Variants in DLGAP1 observed in about 807,000 individuals in gnomAD.
DLGAP1 encodes disks large-associated protein 1.
Under a neutral mutation model 90.8 loss-of-function variants are expected in DLGAP1, and 11 were observed. The observed-to-expected ratio is 0.12, with a 90% CI of 0.08 to 0.20. The LOEUF (loss-of-function observed/expected upper bound fraction) is 0.20, where lower values mean the gene tolerates loss of function less well. Ranked by LOEUF, DLGAP1 falls within the 10% of genes least tolerant of loss-of-function variation. DLGAP1 has a pLI of 1.00. For missense variants in DLGAP1, 1,050 were observed against 1,333.8 expected (o/e 0.79, Z 3.31); for synonymous variants, 558 against 540.7 (o/e 1.03, Z -0.44).
intron 1 of DLGAP1, among the ~76,000 whole-genome samples, chr18:4,266,982 G>A (rs2079145368): frequency 6.6e-6 from 1 of 152,116 alleles, no homozygotes; most frequent in African/African-American, 2.4e-5. Flanking sequence ...GTTTACTAAT[G>A]TGCTCACCCA....
chr18:4,010,643 T>C (rs2074399681), intron 2 of DLGAP1, among the ~76,000 whole-genome samples: 1 of 152,216 alleles, frequency 6.6e-6, no homozygotes, highest in Non-Finnish European at 1.5e-5. Flanking sequence ...GTGGAATGTA[T>C]ATATTTTTTG....
intron 3 of DLGAP1, among the ~76,000 whole-genome samples, chr18:3,975,938 A>G (rs149307818): frequency 2.7e-4 from 41 of 152,220 alleles, no homozygotes; most frequent in Non-Finnish European, 4.7e-4. Context: ...ATGGGAAGTC[A>G]GTGTTTAAGG....
chr18:3,813,391 G>A (rs578066614), intron 5 of DLGAP1, among the ~76,000 whole-genome samples: 5 of 152,270 alleles, frequency 3.3e-5, no homozygotes, highest in African/African-American at 1.2e-4. Flanking sequence ...GACCATCTAA[G>A]TTTTTGTAAG....
chr18:3,603,247 C>G (rs2057163246), intron 7 of DLGAP1: 1 of 151,862 alleles, frequency 6.6e-6, no homozygotes, highest in South Asian at 2.1e-4. Context: ...AAAACGGTTG[C>G]CTTATCATCT....
At chr18:3,720,895 A>AAAAAAAAAAAAAAG (rs2061953692) in intron 7 of DLGAP1, among the ~76,000 whole-genome samples, 1 of 140,408 alleles carries the variant, frequency 7.1e-6, no homozygotes, top group Non-Finnish European at 1.5e-5. Flanking sequence ...CTACAAAAAA[A>AAAAAAAAAAAAAAG]AAAAAAAAAA....
chr18:4,169,065 C>G (rs1004114503), intron 1 of DLGAP1, among the ~76,000 whole-genome samples: 18 of 152,106 alleles, frequency 1.2e-4, no homozygotes, highest in African/African-American at 4.3e-4. Context: ...GAGTATGTTT[C>G]TAGAGTGCAA....
chr18:3,993,473 T>A (rs1444937924), intron 3 of DLGAP1, among the ~76,000 whole-genome samples: 1 of 152,088 alleles, frequency 6.6e-6, no homozygotes, highest in Non-Finnish European at 1.5e-5. Context: ...CATTGAGATT[T>A]CCTTGTCTTT....
chr18:3,956,401 G>A (rs967838762), intron 3 of DLGAP1, among the ~76,000 whole-genome samples: 1 of 149,428 alleles, frequency 6.7e-6, no homozygotes, highest in Non-Finnish European at 1.5e-5. Flanking sequence ...CCAGGCTGGA[G>A]TGCAGTGGCG....
intron 7 of DLGAP1, among the ~76,000 whole-genome samples, chr18:3,588,516 T>G (rs1236996982): frequency 6.6e-6 from 1 of 151,312 alleles, no homozygotes; most frequent in African/African-American, 2.4e-5. Flanking sequence ...GTGCGGTGGC[T>G]CGCTCCTGTA....
intron 1 of DLGAP1, among the ~76,000 whole-genome samples, chr18:4,346,049 T>C (rs1252375620): frequency 6.6e-6 from 1 of 152,156 alleles, no homozygotes; most frequent in Admixed American, 6.6e-5. Context: ...CCACTCACGA[T>C]GTGCTGAAAT....
intron 1 of DLGAP1, among the ~76,000 whole-genome samples, chr18:4,277,510 G>A (rs1161802866): frequency 6.6e-6 from 1 of 152,158 alleles, no homozygotes; most frequent in Non-Finnish European, 1.5e-5. Context: ...TATGTCATAG[G>A]TTCCGTGAAG....
At chr18:4,094,824 C>T (rs148796474) in intron 2 of DLGAP1, among the ~76,000 whole-genome samples, 8 of 152,244 alleles carry the variant, frequency 5.3e-5, no homozygotes, top group African/African-American at 1.9e-4. Context: ...TCTTGAACTC[C>T]TGACCTCAGG....
At chr18:3,866,581 C>T (rs1158056380) in intron 4 of DLGAP1, among the ~76,000 whole-genome samples, 1 of 152,204 alleles carries the variant, frequency 6.6e-6, no homozygotes, top group East Asian at 1.9e-4. Context: ...TATTTGAACA[C>T]AGACTTTGGT....
At chr18:4,094,985 G>T (rs368548059) in intron 2 of DLGAP1, among the ~76,000 whole-genome samples, 1 of 151,920 alleles carries the variant, frequency 6.6e-6, no homozygotes, top group South Asian at 2.1e-4. Flanking sequence ...ATAAAACAAG[G>T]GTGCACTCCT....
At chr18:4,102,724 T>C (rs1011539583) in intron 2 of DLGAP1, among the ~76,000 whole-genome samples, 2 of 152,226 alleles carry the variant, frequency 1.3e-5, no homozygotes, top group Non-Finnish European at 2.9e-5. Flanking sequence ...CTGTTACTTA[T>C]AGCTGAAATG....
At chr18:3,669,687 C>G (rs534459529) in intron 7 of DLGAP1, among the ~76,000 whole-genome samples, 4 of 152,328 alleles carry the variant, frequency 2.6e-5, no homozygotes, top group African/African-American at 9.6e-5. Flanking sequence ...GGCCATCTTC[C>G]TTCTGGCTTC....
chr18:3,874,338 T>C, intron 4 of DLGAP1: 1 of 1,516,904 alleles, frequency 6.6e-7, no homozygotes, highest in Non-Finnish European at 8.8e-7. Flanking sequence ...GGAGAGAGCG[T>C]TTTGTTTCCC....
chr18:4,315,650 G>C (rs1007110205), intron 1 of DLGAP1, among the ~76,000 whole-genome samples: 4 of 152,120 alleles, frequency 2.6e-5, no homozygotes, highest in African/African-American at 4.8e-5. Flanking sequence ...AATTAATTTT[G>C]AAATACAGTG....
At chr18:4,238,275 A>AC (rs1264275691) in intron 1 of DLGAP1, among the ~76,000 whole-genome samples, 1 of 152,142 alleles carries the variant, frequency 6.6e-6, no homozygotes, top group African/African-American at 2.4e-5. Context: ...GTGAATTATG[A>AC]CCCCAATCTA....
Sources: gnomAD v4.1 joint callset for allele counts (sites outside exome capture counted in the v4.1 genomes callset) on GRCh38, gnomAD v4.1.1 for gene constraint, MANE v1.5 for transcripts, NCBI Gene and HGNC (gene_info 2026-07-23, HGNC 2026-07-21) for gene names.